Variants in CLVS2 observed in about 807,000 individuals in gnomAD.
CLVS2 encodes the protein clavesin-2.
CLVS2 carries 19 observed loss-of-function variants against 29.0 expected under a neutral mutation model. That is an observed-to-expected ratio of 0.66 (90% CI 0.46 to 0.96). The LOEUF (loss-of-function observed/expected upper bound fraction) is 0.96. Among genes scored for constraint, CLVS2 ranks in the 40% least tolerant of loss-of-function variants. CLVS2 has a pLI of 0.00. For missense variants in CLVS2, 294 were observed against 404.1 expected, an observed-to-expected ratio of 0.73 and a Z score of 2.34; for synonymous variants, 161 against 151.3, an observed-to-expected ratio of 1.06 and a Z score of -0.47.
chr6:123,027,185 C>T (rs950128655), intron 3 of CLVS2, among the ~76,000 whole-genome samples: 3 of 152,090 alleles, frequency 2.0e-5, no homozygotes, highest in Non-Finnish European at 4.4e-5. Context: ...AATTTAAACT[C>T]TATTTTATGA....
At chr6:123,049,810 G>T (rs56164155) in intron 4 of CLVS2, among the ~76,000 whole-genome samples, 1 of 131,772 alleles carries the variant, frequency 7.6e-6, no homozygotes. Context: ...GGGATGGGGG[G>T]CGGGGAGGAA....
chr6:123,049,982 A>G (rs1772580788), intron 4 of CLVS2, among the ~76,000 whole-genome samples: 3 of 152,182 alleles, frequency 2.0e-5, no homozygotes, highest in Admixed American at 2.0e-4. Flanking sequence ...CGTCTATATC[A>G]AGCATTAATG....
At chr6:123,042,984 CTT>C (rs1364234380) in intron 3 of CLVS2, among the ~76,000 whole-genome samples, 1 of 152,172 alleles carries the variant, frequency 6.6e-6, no homozygotes, top group African/African-American at 2.4e-5. Flanking sequence ...GCAGACCAAA[CTT>C]AAATTCAAAC....
At chr6:123,013,339 C>T (rs1219236984) in intron 3 of CLVS2, among the ~76,000 whole-genome samples, 2 of 152,000 alleles carry the variant, frequency 1.3e-5, no homozygotes, top group African/African-American at 4.8e-5. Context: ...AGACCATCAA[C>T]ACCACAACAG....
rs1772952745 is a variant in CLVS2, at chr6:123,071,732, G to A, written c.*7971G>A. 1 of 151,948 alleles carries A rather than the reference G, an allele frequency of 6.6e-6. No individual in the cohort carries two copies. The highest frequency in any genetic ancestry group is 2.4e-5 in the African/African-American group (1 of 41,416). 9.4% of individuals were successfully genotyped at this position (151,948 alleles called of 1,614,324 possible). On this transcript the variant is annotated 3_prime_UTR_variant, in exon 6 of 6. Coordinates refer to ENST00000275162, the MANE Select transcript of CLVS2 (RefSeq NM_001010852.4). Reference sequence around the variant, plus strand: ...CTGCAACAATTATAAAATGAATGAGGAAGTATTTTGGTGTTTCTAAGGTCT... The same window carrying A: ...CTGCAACAATTATAAAATGAATGAGAAAGTATTTTGGTGTTTCTAAGGTCT...
rs1772840141 is a variant in CLVS2 at position 123,065,474 on chromosome 6, T to G, written c.*1713T>G. On this transcript the variant is annotated 3_prime_UTR_variant, in exon 6 of 6. Coordinates refer to ENST00000275162, the MANE Select transcript of CLVS2 (RefSeq NM_001010852.4). ...ATGGACTGCCTCATGTGTGTAAAAA[T>G]ACATTAATTAACACAAATGAAAGAT... 1 of 151,816 alleles carries G rather than the reference T, an allele frequency of 6.6e-6. No individual in the cohort carries two copies. Among genetic ancestry groups the G allele is most frequent in the African/African-American group, 2.4e-5 (1 of 41,392 alleles). 9.4% of individuals were successfully genotyped at this position (151,816 alleles called of 1,614,324 possible). A position where few individuals can be genotyped will look rare whatever the true frequency, so the allele number is the denominator to read the frequency against.
intron 3 of CLVS2, among the ~76,000 whole-genome samples, chr6:123,031,725 G>A (rs1233816934): frequency 2.0e-5 from 3 of 151,878 alleles, no homozygotes; most frequent in African/African-American, 2.4e-5. Context: ...CCAGAAGATT[G>A]TCAGGGAGTA....
intron 3 of CLVS2, among the ~76,000 whole-genome samples, chr6:123,017,969 T>C (rs1028725181): frequency 2.6e-5 from 4 of 152,092 alleles, no homozygotes; most frequent in Non-Finnish European, 4.4e-5. Context: ...TTACTAATTA[T>C]TAATAAAATT....
At chr6:123,063,566 A>G (rs1772809945) in intron 5 of CLVS2, 108 bp from the exon 6 acceptor site, 2 of 655,516 alleles carry the variant, frequency 3.1e-6, no homozygotes, top group Non-Finnish European at 5.4e-6. Flanking sequence ...CTTGATATAG[A>G]GGAAGGGAAT....
chr6:123,033,453 A>C (rs1775110269), intron 3 of CLVS2, among the ~76,000 whole-genome samples: 1 of 152,104 alleles, frequency 6.6e-6, no homozygotes, highest in Non-Finnish European at 1.5e-5. Context: ...AAAGCAATTA[A>C]ACAGTTGAAA....
chr6:123,060,939 C>T (rs1335532916), intron 5 of CLVS2, among the ~76,000 whole-genome samples: 1 of 152,116 alleles, frequency 6.6e-6, no homozygotes, highest in Non-Finnish European at 1.5e-5. Flanking sequence ...ATATCTAAAT[C>T]TAAATTACTA....
intron 4 of CLVS2, among the ~76,000 whole-genome samples, chr6:123,053,540 T>G (rs1772646563): frequency 6.6e-6 from 1 of 152,134 alleles, no homozygotes. Flanking sequence ...AATTTAGCAA[T>G]GAGAAGGACC....
chr6:123,007,313 A>G (rs1400056659), intron 2 of CLVS2, among the ~76,000 whole-genome samples: 1 of 152,182 alleles, frequency 6.6e-6, no homozygotes, highest in Non-Finnish European at 1.5e-5. Flanking sequence ...TTAAAAGAGA[A>G]AAGGGAGACT....
intron 3 of CLVS2, among the ~76,000 whole-genome samples, chr6:123,015,055 A>G (rs1373981645): frequency 5.9e-5 from 9 of 152,012 alleles, no homozygotes; most frequent in Non-Finnish European, 1.3e-4. Context: ...GTGGACAAAA[A>G]CAGGTAGGAC....
intron 3 of CLVS2, among the ~76,000 whole-genome samples, chr6:123,040,575 A>G (rs1216589012): frequency 6.6e-6 from 1 of 152,174 alleles, no homozygotes; most frequent in Non-Finnish European, 1.5e-5. Flanking sequence ...CAGGTGGATC[A>G]TGAGGTCAGG....
rs1014763228 is a variant in CLVS2 at position 123,070,856 on chromosome 6, A to G, written c.*7095A>G. 6.6e-6 allele frequency: 1 copy of G among 151,900 alleles called. No individual in the cohort carries two copies. Among genetic ancestry groups the G allele is most frequent in the African/African-American group, 2.4e-5 (1 of 41,396 alleles). The allele number at this position is 151,900 out of a possible 1,614,324, so 9.4% of individuals were successfully genotyped here. On this transcript the variant is annotated 3_prime_UTR_variant, in exon 6 of 6. Coordinates refer to ENST00000275162, the MANE Select transcript of CLVS2 (RefSeq NM_001010852.4). Reference sequence around the variant, plus strand: ...AACTTGCTAAGCATGCCTCTACCTCAGGACTTTCGCATTTCTGTTCCCTTT... The same window carrying G: ...AACTTGCTAAGCATGCCTCTACCTCGGGACTTTCGCATTTCTGTTCCCTTT...
At chr6:123,055,360 T>C (rs1024920062) in intron 4 of CLVS2, among the ~76,000 whole-genome samples, 3 of 152,232 alleles carry the variant, frequency 2.0e-5, no homozygotes, top group Admixed American at 1.3e-4. Context: ...AAGTGACAGC[T>C]TTTTGGTGTA....
intron 5 of CLVS2, among the ~76,000 whole-genome samples, chr6:123,061,312 G>T (rs1275887966): frequency 7.0e-6 from 1 of 143,316 alleles, no homozygotes; most frequent in Non-Finnish European, 1.5e-5. Context: ...AAACAAAACC[G>T]AAAAAAAAAA....
chr6:123,018,735 A>G (rs527939712), intron 3 of CLVS2, among the ~76,000 whole-genome samples: 51 of 150,788 alleles, frequency 3.4e-4, no homozygotes, highest in Non-Finnish European at 1.3e-4. Context: ...GAGAAGCCAC[A>G]GTAAACTCAC....
Sources: gnomAD v4.1 joint callset for allele counts (sites outside exome capture counted in the v4.1 genomes callset) on GRCh38, gnomAD v4.1.1 for gene constraint, MANE v1.5 for transcripts, NCBI Gene and HGNC (gene_info 2026-07-23, HGNC 2026-07-21) for gene names.